CPQ: variants seen among roughly 807,000 people sequenced by gnomAD.
The protein encoded by CPQ is carboxypeptidase Q.
Under a neutral mutation model 45.7 loss-of-function variants are expected in CPQ, and 37 were observed. The ratio of observed to expected loss-of-function variants is 0.81; its 90% CI spans 0.62 to 1.07. CPQ has a LOEUF of 1.07. CPQ is among the 50% of genes least tolerant of loss of function. The pLI is 0.00. For synonymous variants in CPQ, 186 were observed against 205.8 expected (o/e 0.90, Z 0.82); for missense variants, 537 against 572.9 (o/e 0.94, Z 0.64).
At chr8:96,901,955 A>G (rs1180547474) in intron 4 of CPQ, among the ~76,000 whole-genome samples, 3 of 152,184 alleles carry the variant, frequency 2.0e-5, no homozygotes, top group Non-Finnish European at 4.4e-5. Flanking sequence ...CTAACAAAAC[A>G]TGTCAAAAAT....
chr8:97,114,117 G>A (rs1811544217), intron 7 of CPQ, among the ~76,000 whole-genome samples: 1 of 152,208 alleles, frequency 6.6e-6, no homozygotes, highest in Non-Finnish European at 1.5e-5. Flanking sequence ...TGCAGTGGTG[G>A]AGATTTAATT....
intron 7 of CPQ, among the ~76,000 whole-genome samples, chr8:97,132,334 C>G (rs1205689923): frequency 6.6e-6 from 1 of 152,178 alleles, no homozygotes; most frequent in African/African-American, 2.4e-5. Flanking sequence ...TCCATTGTGT[C>G]ACCTGGGCAT....
intron 1 of CPQ, among the ~76,000 whole-genome samples, chr8:96,653,586 A>T (rs995604328): frequency 1.1e-4 from 17 of 152,388 alleles, no homozygotes; most frequent in African/African-American, 3.8e-4. Flanking sequence ...TACCAGTAAC[A>T]TAAATAGCCA....
intron 4 of CPQ, among the ~76,000 whole-genome samples, chr8:96,953,803 C>A (rs1052833632): frequency 6.6e-6 from 1 of 152,066 alleles, no homozygotes; most frequent in Non-Finnish European, 1.5e-5. Context: ...CTGATTGTTG[C>A]CAGACAGACC....
chr8:96,963,034 T>G (rs1181393101), intron 4 of CPQ, among the ~76,000 whole-genome samples: 1 of 152,212 alleles, frequency 6.6e-6, no homozygotes, highest in African/African-American at 2.4e-5. Context: ...AAAACCATCT[T>G]TCCAATTTTT....
At chr8:96,928,350 G>A (rs572559900) in intron 4 of CPQ, among the ~76,000 whole-genome samples, 21 of 150,642 alleles carry the variant, frequency 1.4e-4, no homozygotes, top group East Asian at 7.7e-4. Flanking sequence ...AGGGGTTATC[G>A]TTCCTTTCTT....
intron 3 of CPQ, among the ~76,000 whole-genome samples, chr8:96,868,385 C>G (rs766859201): frequency 6.6e-6 from 1 of 152,016 alleles, no homozygotes; most frequent in Admixed American, 6.6e-5. Flanking sequence ...AATTATGTGG[C>G]AGGTCATCAT....
At chr8:97,098,682 G>C (rs1811250785) in intron 7 of CPQ, among the ~76,000 whole-genome samples, 1 of 152,102 alleles carries the variant, frequency 6.6e-6, no homozygotes, top group Non-Finnish European at 1.5e-5. Context: ...TGAGTGGATT[G>C]GTTGTCTTAA....
chr8:97,067,483 G>A (rs1335510054), intron 7 of CPQ, among the ~76,000 whole-genome samples: 2 of 152,058 alleles, frequency 1.3e-5, no homozygotes, highest in Non-Finnish European at 2.9e-5. Flanking sequence ...ACATTTCAGA[G>A]GTACTAAAAC....
rs115513363 is a variant in CPQ, at chr8:96,714,491, T to G, written c.-35+69089T>G. On this transcript the variant is annotated intron_variant, in intron 1 of 7. Coordinates refer to ENST00000220763, the MANE Select transcript of CPQ (RefSeq NM_016134.4). ...GTCTTTAATTTCCAGAAGTTTTGAT[T>G]GGTTTTCCTTTAAAATATCTATTTC... 3.3e-3 allele frequency among the ~76,000 whole-genome samples: 498 copies of G among 152,300 alleles called. 5 individuals carry two copies. Among genetic ancestry groups the G allele is most frequent in the African/African-American group, 0.011 (468 of 41,588 alleles).
chr8:96,814,506 A>C (rs1811200422), intron 2 of CPQ, among the ~76,000 whole-genome samples: 1 of 152,198 alleles, frequency 6.6e-6, no homozygotes, highest in Non-Finnish European at 1.5e-5. Context: ...CCTTGGAAAA[A>C]TTTATTAGTG....
At chr8:96,887,997 C>A (rs1812325567) in intron 4 of CPQ, among the ~76,000 whole-genome samples, 1 of 152,148 alleles carries the variant, frequency 6.6e-6, no homozygotes. Flanking sequence ...CTGAACACTT[C>A]ACTTTCTTTT....
At chr8:97,116,009 G>A (rs1293598985) in intron 7 of CPQ, among the ~76,000 whole-genome samples, 1 of 152,082 alleles carries the variant, frequency 6.6e-6, no homozygotes, top group East Asian at 1.9e-4. Context: ...AAGCAAAATG[G>A]GTGAGGCTGA....
At chr8:96,649,524 A>G (rs957121007) in intron 1 of CPQ, among the ~76,000 whole-genome samples, 1 of 152,230 alleles carries the variant, frequency 6.6e-6, no homozygotes, top group Non-Finnish European at 1.5e-5. Flanking sequence ...TATGGGAAAT[A>G]TGTTTGAAAA....
intron 4 of CPQ, among the ~76,000 whole-genome samples, chr8:96,909,661 C>T (rs1394859689): frequency 6.6e-6 from 1 of 152,110 alleles, no homozygotes; most frequent in Non-Finnish European, 1.5e-5. Flanking sequence ...TTTGTGAAAA[C>T]AGATGAGTTA....
At chr8:96,751,332 GA>G (rs993940601) in intron 1 of CPQ, among the ~76,000 whole-genome samples, 3 of 152,014 alleles carry the variant, frequency 2.0e-5, no homozygotes, top group Non-Finnish European at 4.4e-5. Flanking sequence ...CCACCATTCT[GA>G]TTGCATAAGA....
At chr8:96,668,656 T>C (rs1361970393) in intron 1 of CPQ, among the ~76,000 whole-genome samples, 1 of 152,200 alleles carries the variant, frequency 6.6e-6, no homozygotes, top group Non-Finnish European at 1.5e-5. Flanking sequence ...TTTTTCCTAT[T>C]TGTCTCCTAA....
At chr8:96,889,959 G>T (rs766249114) in intron 4 of CPQ, among the ~76,000 whole-genome samples, 2 of 152,112 alleles carry the variant, frequency 1.3e-5, no homozygotes, top group Non-Finnish European at 2.9e-5. Context: ...ATAATACTTT[G>T]CATCCTTCAA....
chr8:97,027,006 G>A (rs1239985042), intron 5 of CPQ, among the ~76,000 whole-genome samples: 1 of 152,040 alleles, frequency 6.6e-6, no homozygotes, highest in Non-Finnish European at 1.5e-5. Context: ...TAGGTGCGGA[G>A]ATATGTAAAA....
Sources: allele counts gnomAD v4.1 joint callset (sites outside exome capture counted in the v4.1 genomes callset), GRCh38; gene constraint gnomAD v4.1.1; transcripts MANE v1.5; gene names NCBI Gene and HGNC (gene_info 2026-07-23, HGNC 2026-07-21).